Variants in WWP1 observed in about 807,000 individuals in gnomAD.
WWP1 encodes the protein WW domain containing E3 ubiquitin protein ligase 1.
Under a neutral mutation model 130.6 loss-of-function variants are expected in WWP1, and 49 were observed. The ratio of observed to expected loss-of-function variants is 0.38; its 90% CI spans 0.30 to 0.48. The LOEUF (loss-of-function observed/expected upper bound fraction) is 0.48, where lower values mean the gene tolerates loss of function less well. WWP1 is among the 20% of genes least tolerant of loss of function. WWP1 has a pLI of 0.99. For synonymous variants in WWP1, 332 were observed against 367.8 expected (o/e 0.90, Z 1.11); for missense variants, 809 against 1,100.6 (o/e 0.74, Z 3.75).
intron 11 of WWP1, among the ~76,000 whole-genome samples, chr8:86,430,210 C>CA (rs958367463): frequency 9.2e-5 from 14 of 152,102 alleles, no homozygotes; most frequent in African/African-American, 3.1e-4. Context: ...TCTCAAAAAA[C>CA]AAAGAACTTT....
chr8:86,394,359 A>G (rs1563492998), intron 5 of WWP1, among the ~76,000 whole-genome samples: 1 of 152,224 alleles, frequency 6.6e-6, no homozygotes, highest in African/African-American at 2.4e-5. Context: ...TACAAGAGTA[A>G]GTTCCCCTAG....
chr8:86,390,353 G>T (rs1040146822), intron 5 of WWP1, among the ~76,000 whole-genome samples: 6 of 152,176 alleles, frequency 3.9e-5, no homozygotes, highest in South Asian at 2.1e-4. Context: ...CGGCTGGGAG[G>T]TGGAGGTTGT....
chr8:86,453,855 C>T (rs1811305950), intron 21 of WWP1, among the ~76,000 whole-genome samples: 1 of 152,090 alleles, frequency 6.6e-6, no homozygotes, highest in African/African-American at 2.4e-5. Context: ...TAAGTTAGGA[C>T]ATAGGCTGGG....
At chr8:86,415,868 T>C (rs1471372437) in intron 9 of WWP1, among the ~76,000 whole-genome samples, 1 of 152,196 alleles carries the variant, frequency 6.6e-6, no homozygotes, top group Non-Finnish European at 1.5e-5. Flanking sequence ...TGAAGGGAGA[T>C]TTTATTTTGT....
intron 8 of WWP1, among the ~76,000 whole-genome samples, chr8:86,410,439 T>C (rs932302643): frequency 6.6e-6 from 1 of 152,140 alleles, no homozygotes; most frequent in Non-Finnish European, 1.5e-5. Context: ...CTAATGTTAT[T>C]TATATTAAAC....
chr8:86,441,007 T>C (rs1399511037), intron 17 of WWP1, among the ~76,000 whole-genome samples: 2 of 152,234 alleles, frequency 1.3e-5, no homozygotes, highest in Non-Finnish European at 2.9e-5. Flanking sequence ...TTGAGAGTAT[T>C]GAGAAGAATA....
At chr8:86,402,628 G>A (rs576794915) in intron 8 of WWP1, among the ~76,000 whole-genome samples, 1 of 152,040 alleles carries the variant, frequency 6.6e-6, no homozygotes, top group Non-Finnish European at 1.5e-5. Context: ...TCTATGATAG[G>A]AATTTAAAAA....
intron 11 of WWP1, among the ~76,000 whole-genome samples, chr8:86,429,053 G>A (rs1237819778): frequency 6.6e-6 from 1 of 152,088 alleles, no homozygotes; most frequent in Admixed American, 6.6e-5. Flanking sequence ...TGTCATCAAG[G>A]ACCCGGGTTC....
chr8:86,365,789 C>G (rs1823932619), intron 1 of WWP1, among the ~76,000 whole-genome samples: 1 of 152,120 alleles, frequency 6.6e-6, no homozygotes, highest in Admixed American at 6.5e-5. Context: ...TAGTGAGACC[C>G]TGTCTCTATT....
chr8:86,356,447 A>T (rs1029816888), intron 1 of WWP1, among the ~76,000 whole-genome samples: 1 of 150,830 alleles, frequency 6.6e-6, no homozygotes, highest in Admixed American at 6.6e-5. Flanking sequence ...ATTTATATAT[A>T]TATTTTTTTT....
At chr8:86,372,661 G>A (rs757162550) in intron 2 of WWP1, among the ~76,000 whole-genome samples, 3 of 152,022 alleles carry the variant, frequency 2.0e-5, no homozygotes, top group Admixed American at 6.6e-5. Context: ...ATAATTCCAG[G>A]TTTCTTTAAG....
intron 16 of WWP1, among the ~76,000 whole-genome samples, chr8:86,436,566 A>G (rs1410052145): frequency 6.6e-6 from 1 of 152,170 alleles, no homozygotes; most frequent in African/African-American, 2.4e-5. Flanking sequence ...CTATTGGTTT[A>G]CTGCTGTTCT....
rs1812216437 is a variant in WWP1, at chr8:86,467,096, G to A, written c.*203G>A. 7 of 430,458 alleles carry A rather than the reference G, an allele frequency of 1.6e-5. No individual in the cohort carries two copies. The highest frequency in any genetic ancestry group is 2.1e-5 in the African/African-American group (1 of 47,838). The allele number at this position is 430,458 out of a possible 1,614,324, so 26.7% of individuals were successfully genotyped here. On this transcript the variant is annotated 3_prime_UTR_variant, in exon 25 of 25. Coordinates refer to ENST00000517970, the MANE Select transcript of WWP1 (RefSeq NM_007013.4). ...ATTGTTCCCTTGAAATGACTGACCA[G>A]GAAAAAGATCATCCTTAAATTTTGA...
intron 18 of WWP1, among the ~76,000 whole-genome samples, chr8:86,446,129 G>A (rs371224018): frequency 6.8e-6 from 1 of 147,776 alleles, no homozygotes; most frequent in East Asian, 2.0e-4. Context: ...CCACAGGCAC[G>A]CACCACCACA....
intron 1 of WWP1, among the ~76,000 whole-genome samples, chr8:86,358,480 G>GT (rs11292432): frequency 0.015 from 351 of 22,944 alleles, 2 homozygotes; most frequent in Middle Eastern, 0.075. Context: ...TTATTGAGGA[G>GT]TTTTTTTTTT....
At chr8:86,351,261 G>A (rs1586233910) in intron 1 of WWP1, among the ~76,000 whole-genome samples, 1 of 152,154 alleles carries the variant, frequency 6.6e-6, no homozygotes, top group East Asian at 1.9e-4. Flanking sequence ...TATTCACTTT[G>A]CTGTGAGCTA....
At chr8:86,419,821 C>T (rs1809097838) in intron 9 of WWP1, among the ~76,000 whole-genome samples, 1 of 152,118 alleles carries the variant, frequency 6.6e-6, no homozygotes, top group Non-Finnish European at 1.5e-5. Flanking sequence ...CAATTAAATT[C>T]TAAATATTTT....
At position 86,390,318 on chromosome 8, in the gene WWP1, C is replaced by T. The variant is rs561527298; in HGVS notation, c.335-8024C>T. On this transcript the variant is annotated intron_variant, in intron 5 of 24. Transcript: ENST00000517970. ...GGCGGCTGGGCACAGGCTGCAATCT[C>T]GGCACTTTGGGAGGCCAAGGCAGGC... Among the ~76,000 whole-genome samples the T allele has an allele frequency of 5.0e-3, 762 of 152,286 alleles. 5 individuals carry two copies. Among genetic ancestry groups the T allele is most frequent in the African/African-American group, 0.018 (734 of 41,552 alleles).
In WWP1 at chr8:86,455,249, T is replaced by G. The variant is rs79395002; in HGVS notation, c.2394+2570T>G. On this transcript the variant is annotated intron_variant, in intron 21 of 24. Coordinates refer to ENST00000517970, the MANE Select transcript of WWP1 (RefSeq NM_007013.4). ...ATTCTAAATGGTAATATTTTGAAAG[T>G]TTCCCATTGAGTTTGGGAAAAAGGC... is the stretch of plus-strand genomic sequence containing the variant. Among the ~76,000 whole-genome samples the G allele has an allele frequency of 3.1e-3, 469 of 152,088 alleles. 2 individuals carry two copies. The highest frequency in any genetic ancestry group is 0.011 in the African/African-American group (447 of 41,528).
Sources: allele counts gnomAD v4.1 joint callset (sites outside exome capture counted in the v4.1 genomes callset), GRCh38; gene constraint gnomAD v4.1.1; transcripts MANE v1.5; gene names NCBI Gene and HGNC (gene_info 2026-07-23, HGNC 2026-07-21).